ENY2: variants seen among roughly 807,000 people sequenced by gnomAD.
The protein encoded by ENY2 is transcription and mRNA export factor ENY2.
In ENY2, 4 loss-of-function variants were observed where a neutral mutation model predicts 15.9. That is an observed-to-expected ratio of 0.25 (90% CI 0.12 to 0.57). The LOEUF (loss-of-function observed/expected upper bound fraction) is 0.57, where lower values mean the gene tolerates loss of function less well. ENY2 is among the 20% of genes least tolerant of loss of function. The probability of loss-of-function intolerance (pLI) is 0.91; values close to 1 mark genes in which losing one functional copy is unlikely to be tolerated. For missense variants in ENY2, 54 were observed against 117.2 expected (o/e 0.46, Z 2.49); for synonymous variants, 48 against 38.0 (o/e 1.26, Z -0.97).
Position 109,334,381 on chromosome 8 carries a change from G to A in ENY2, c.-88G>A. On this transcript the variant is annotated 5_prime_UTR_variant, in exon 1 of 5. Transcript: ENST00000521688. ...GGTGCCCGAGCTACTGAGGGTCTAA[G>A]TCCGGGCAGCCGAAGAGTGTGGTAG... 5.0e-6 allele frequency: 8 copies of A among 1,598,782 alleles called. No individual in the cohort carries two copies. The South Asian group carries it at 8.9e-5, about 18-fold the overall frequency.
chr8:109,334,484 G>T lies in ENY2; in HGVS notation c.6+10G>T. The T allele has an allele frequency of 6.2e-7, 1 of 1,613,370 alleles. No homozygotes were observed. Among genetic ancestry groups the T allele is most frequent in the East Asian group, 2.2e-5 (1 of 44,856 alleles). ...GCCCGCGGTGATGGTGGTGAGCTATGCCCGTGGTCCTCAGGGCCGGGACCC... is the reference window on the plus strand; with the variant it reads ...GCCCGCGGTGATGGTGGTGAGCTATTCCCGTGGTCCTCAGGGCCGGGACCC... On this transcript the variant is annotated intron_variant, in intron 1 of 4. Transcript: ENST00000521688.
intron 4 of ENY2, chr8:109,342,868 G>A (rs1413555480): frequency 3.8e-6 from 2 of 522,820 alleles, no homozygotes; most frequent in East Asian, 3.5e-5. Context: ...ATGTAAATGT[G>A]GTTTTAATTT....
chr8:109,339,131 A>C, intron 2 of ENY2, 189 bp from the exon 3 acceptor site: 1 of 575,548 alleles, frequency 1.7e-6, no homozygotes. Flanking sequence ...GATGAAATGA[A>C]AGGCCTAGAA....
intron 4 of ENY2, among the ~76,000 whole-genome samples, chr8:109,341,148 T>A (rs1215194954): frequency 6.6e-6 from 1 of 152,142 alleles, no homozygotes; most frequent in East Asian, 1.9e-4. Context: ...GTGTAGTAAA[T>A]GTTGTCAGGA....
Position 109,334,387 on chromosome 8 carries a change from G to T in ENY2, c.-82G>T. 1 of 1,603,078 alleles carries T rather than the reference G, an allele frequency of 6.2e-7. No homozygotes were observed. The highest frequency in any genetic ancestry group is 8.5e-7 in the Non-Finnish European group (1 of 1,172,630). ...CGAGCTACTGAGGGTCTAAGTCCGGGCAGCCGAAGAGTGTGGTAGGTAACG... is the reference window on the plus strand; with the variant it reads ...CGAGCTACTGAGGGTCTAAGTCCGGTCAGCCGAAGAGTGTGGTAGGTAACG... On this transcript the variant is annotated 5_prime_UTR_variant, in exon 1 of 5. Transcript: ENST00000521688.
In ENY2 at chr8:109,334,418, C is replaced by T. The variant is rs1321202934; in HGVS notation, c.-51C>T. The T allele has an allele frequency of 6.2e-7, 1 of 1,613,578 alleles. No individual in the cohort carries two copies. The highest frequency in any genetic ancestry group is 1.3e-5 in the African/African-American group (1 of 75,062). On this transcript the variant is annotated 5_prime_UTR_variant, in exon 1 of 5. Coordinates refer to ENST00000521688, the MANE Select transcript of ENY2 (RefSeq NM_020189.6). ...GAAGAGTGTGGTAGGTAACGGTCCT[C>T]AGCGCAAGGGTCATTTCGTCGCTGG...
At chr8:109,337,439 T>C (rs956315219) in intron 2 of ENY2, among the ~76,000 whole-genome samples, 2 of 152,012 alleles carry the variant, frequency 1.3e-5, no homozygotes. Context: ...GTTAAGGTGT[T>C]GGAGGTAACA....
chr8:109,343,358 A>G, intron 4 of ENY2, 47 bp from the exon 5 acceptor site: 1 of 1,446,414 alleles, frequency 6.9e-7, no homozygotes, highest in Non-Finnish European at 9.5e-7. Context: ...ATTCTCATGT[A>G]TTAATTGGTA....
rs903209119 is a variant in ENY2, at chr8:109,345,678, A to G, written c.*2197A>G. 1 of 152,228 alleles carries G rather than the reference A, an allele frequency of 6.6e-6. No homozygotes were observed. The highest frequency in any genetic ancestry group is 2.4e-5 in the African/African-American group (1 of 41,468). The allele number at this position is 152,228 out of a possible 1,614,324, so 9.4% of individuals were successfully genotyped here. ...TAGTTCTTATTTCATAGTACTGTAT[A>G]TGGAAATAAACCAAATTTGCTCATA... On this transcript the variant is annotated 3_prime_UTR_variant, in exon 5 of 5. Transcript: ENST00000521688.
chr8:109,337,138 G>A (rs73307521), intron 2 of ENY2, among the ~76,000 whole-genome samples: 4,420 of 151,364 alleles, frequency 0.029, 233 homozygotes, highest in African/African-American at 0.1. Context: ...CTGTTGGTGT[G>A]GAGCTTGGAC....
chr8:109,340,744 A>G (rs1816093440), intron 4 of ENY2, 181 bp downstream of exon 4: 3 of 645,364 alleles, frequency 4.6e-6, no homozygotes, highest in African/African-American at 1.8e-5. Context: ...ATGAGATACT[A>G]GGTTTCAGTG....
rs906670434 is a variant in ENY2, at chr8:109,342,409, T to C, written c.230-996T>C. ...TGCCAACAGTGTGTATGTATACATA[T>C]ATATTTTTACATATGTGTATACTTA... On this transcript the variant is annotated intron_variant, in intron 4 of 4. Transcript: ENST00000521688. Among the ~76,000 whole-genome samples, 9 of 150,932 alleles carry C rather than the reference T, an allele frequency of 6.0e-5. No homozygotes were observed. In the Middle Eastern group the frequency reaches 0.011, roughly 177 times the overall value.
chr8:109,339,646 A>C (rs1323531652), intron 3 of ENY2: 12 of 389,634 alleles, frequency 3.1e-5, no homozygotes, highest in Non-Finnish European at 5.5e-5. Flanking sequence ...TCTTTCAGCA[A>C]CTTTATTGTT....
In ENY2 at chr8:109,340,579, T is replaced by A. The variant is rs1816090540; in HGVS notation, c.229+16T>A. 1.2e-6 allele frequency: 2 copies of A among 1,612,286 alleles called. No individual in the cohort carries two copies. Among genetic ancestry groups the A allele is most frequent in the Non-Finnish European group, 1.7e-6 (2 of 1,179,150 alleles). On this transcript the variant is annotated intron_variant, in intron 4 of 4. Transcript: ENST00000521688. ...AAAGGCAGAGGTAAGGAATACAGAGTTTGTTAAAGGAAACATGCTGCAGAC... is the reference window on the plus strand; with the variant it reads ...AAAGGCAGAGGTAAGGAATACAGAGATTGTTAAAGGAAACATGCTGCAGAC...
chr8:109,340,301 A>G (rs1816085555), intron 3 of ENY2, 188 bp from the exon 4 acceptor site: 1 of 735,732 alleles, frequency 1.4e-6, no homozygotes, highest in Non-Finnish European at 2.1e-6. Context: ...AGACTTACGA[A>G]CAACTTTTAT....
Position 109,343,418 on chromosome 8 carries a change from C to T in ENY2, c.243C>T (p.Asp81=). The change falls in exon 5 of 5, where the codon GAC becomes GAT. Residue 81 remains aspartate (D), a synonymous_variant. Transcript: ENST00000521688. Reference sequence around the variant, plus strand: ...TTTGTTTTTCAGCCCTGGTACCTGACAGTGTAAAGAAGGAGCTCCTACAAA... The same window carrying T: ...TTTGTTTTTCAGCCCTGGTACCTGATAGTGTAAAGAAGGAGCTCCTACAAA... ...ITPKGRALVP[D]SVKKELLQRI... is the part of the protein sequence containing the mutation. The T allele has an allele frequency of 1.2e-6, 2 of 1,610,488 alleles. No individual in the cohort carries two copies. The highest frequency in any genetic ancestry group is 1.7e-6 in the Non-Finnish European group (2 of 1,178,680).
At position 109,342,166 on chromosome 8, in the gene ENY2, T is replaced by C. The variant is rs1054767013; in HGVS notation, c.230-1239T>C. 4.5e-4 allele frequency among the ~76,000 whole-genome samples: 60 copies of C among 132,164 alleles called. No individual in the cohort carries two copies. In the East Asian group the frequency reaches 8.8e-3, roughly 19 times the overall value. The allele number at this position is 132,164 out of a possible 152,430, so 86.7% of individuals were successfully genotyped here. ...TAGAAGTTTTAGTTAACCCCCCCCT[T>C]TTTTTTTTTTTGCATTTATGGTTTA... On this transcript the variant is annotated intron_variant, in intron 4 of 4. Coordinates refer to ENST00000521688, the MANE Select transcript of ENY2 (RefSeq NM_020189.6).
intron 2 of ENY2, among the ~76,000 whole-genome samples, chr8:109,337,840 G>A (rs371089410): frequency 8.5e-5 from 13 of 152,096 alleles, no homozygotes; most frequent in East Asian, 5.8e-4. Flanking sequence ...CGGAGGTTGC[G>A]GTGAGCTGAG....
In ENY2 at chr8:109,336,332, C is replaced by G. The variant is rs567863210; in HGVS notation, c.83+128C>G. ...ATTGAGATTATAAAAGTTTCTATTC[C>G]GAACATCTGGAAAAAATAATTTAGG... On this transcript the variant is annotated intron_variant, in intron 2 of 4. Coordinates refer to ENST00000521688, the MANE Select transcript of ENY2 (RefSeq NM_020189.6). The G allele has an allele frequency of 3.4e-4, 280 of 825,752 alleles. 1 individual carries two copies. Among genetic ancestry groups the G allele is most frequent in the Non-Finnish European group, 4.7e-4 (252 of 537,752 alleles). The allele number at this position is 825,752 out of a possible 1,614,324, so 51.2% of individuals were successfully genotyped here. A position where few individuals can be genotyped will look rare whatever the true frequency, so the allele number is the denominator to read the frequency against.
Sources: gnomAD v4.1 joint callset for allele counts (sites outside exome capture counted in the v4.1 genomes callset) on GRCh38, gnomAD v4.1.1 for gene constraint, MANE v1.5 for transcripts, NCBI Gene and HGNC (gene_info 2026-07-23, HGNC 2026-07-21) for gene names.